The following CADPS2 variants were observed in gnomAD, a reference collection of about 807,000 sequenced individuals.
CADPS2 encodes the protein calcium dependent secretion activator 2.
A neutral mutation model predicts 172.5 loss-of-function variants in CADPS2; 93 were observed. The observed-to-expected ratio is 0.54, with a 90% CI of 0.46 to 0.64. CADPS2 has a LOEUF of 0.64. CADPS2 is among the 30% of genes least tolerant of loss of function. The pLI is 0.00. For synonymous variants in CADPS2, 546 were observed against 555.2 expected (o/e 0.98, Z 0.23); for missense variants, 1,420 against 1,565.9 (o/e 0.91, Z 1.57).
chr7:122,835,332 GA>G (rs1221872508), intron 1 of CADPS2, among the ~76,000 whole-genome samples: 1 of 152,260 alleles, frequency 6.6e-6, no homozygotes, highest in South Asian at 2.1e-4. Context: ...CAAAGATGGG[GA>G]AAAAGCAGAG....
At chr7:122,649,376 G>T (rs1017652099) in intron 3 of CADPS2, among the ~76,000 whole-genome samples, 2 of 152,076 alleles carry the variant, frequency 1.3e-5, no homozygotes, top group African/African-American at 4.8e-5. Flanking sequence ...TCTATTTCCT[G>T]GCACCCAACT....
chr7:122,492,768 T>A (rs1044886362), intron 9 of CADPS2, among the ~76,000 whole-genome samples: 2 of 152,106 alleles, frequency 1.3e-5, no homozygotes, highest in Non-Finnish European at 2.9e-5. Flanking sequence ...GGCACGATTA[T>A]GGCTCATTGC....
At chr7:122,596,401 T>C (rs2071786735) in intron 6 of CADPS2, among the ~76,000 whole-genome samples, 1 of 152,100 alleles carries the variant, frequency 6.6e-6, no homozygotes. Context: ...TTGTCCTCAT[T>C]TGTCCAGAAT....
intron 1 of CADPS2, among the ~76,000 whole-genome samples, chr7:122,739,631 T>C (rs2092367359): frequency 6.6e-6 from 1 of 152,166 alleles, no homozygotes; most frequent in Non-Finnish European, 1.5e-5. Context: ...ATACTGCAGT[T>C]ACATTTAAGA....
At chr7:122,731,181 T>C (rs1004182546) in intron 2 of CADPS2, among the ~76,000 whole-genome samples, 1 of 151,470 alleles carries the variant, frequency 6.6e-6, no homozygotes, top group Non-Finnish European at 1.5e-5. Flanking sequence ...CATAAACAAA[T>C]GAAAACAGTA....
intron 1 of CADPS2, among the ~76,000 whole-genome samples, chr7:122,746,038 T>C (rs887491697): frequency 6.6e-6 from 1 of 152,166 alleles, no homozygotes; most frequent in African/African-American, 2.4e-5. Context: ...TCTTCATCTA[T>C]ATAATAAGGC....
intron 7 of CADPS2, among the ~76,000 whole-genome samples, chr7:122,559,323 T>C (rs2065423705): frequency 6.6e-6 from 1 of 152,158 alleles, no homozygotes; most frequent in South Asian, 2.1e-4. Flanking sequence ...CTCTAGGTTC[T>C]CAAGCTCTTC....
At chr7:122,789,308 C>T (rs780971989) in intron 1 of CADPS2, among the ~76,000 whole-genome samples, 6 of 152,142 alleles carry the variant, frequency 3.9e-5, no homozygotes, top group Non-Finnish European at 7.4e-5. Flanking sequence ...CCTTCCTATC[C>T]TATCTCCCCC....
intron 20 of CADPS2, among the ~76,000 whole-genome samples, chr7:122,402,527 A>G (rs2046084276): frequency 6.6e-6 from 1 of 152,208 alleles, no homozygotes; most frequent in African/African-American, 2.4e-5. Flanking sequence ...AAGCATACAA[A>G]TTTTAATCTA....
intron 27 of CADPS2, among the ~76,000 whole-genome samples, chr7:122,356,448 C>T (rs1022221826): frequency 4.6e-5 from 7 of 152,268 alleles, no homozygotes; most frequent in African/African-American, 1.4e-4. Flanking sequence ...GATCAACTGG[C>T]TGGGGTAATA....
chr7:122,342,138 C>G (rs1359482849), intron 28 of CADPS2, among the ~76,000 whole-genome samples: 1 of 152,010 alleles, frequency 6.6e-6, no homozygotes, highest in East Asian at 1.9e-4. Context: ...TAAGGTAATG[C>G]AGATTTTATT....
At chr7:122,634,972 T>G (rs1349694323) in intron 3 of CADPS2, among the ~76,000 whole-genome samples, 13 of 152,184 alleles carry the variant, frequency 8.5e-5, no homozygotes, top group Non-Finnish European at 7.3e-5. Flanking sequence ...AGAGATCTTC[T>G]TGGTATTGAT....
intron 1 of CADPS2, among the ~76,000 whole-genome samples, chr7:122,749,423 A>G (rs574322290): frequency 6.6e-6 from 1 of 152,292 alleles, no homozygotes; most frequent in South Asian, 2.1e-4. Context: ...CTATCCAGTA[A>G]GGAGACCTGA....
chr7:122,469,823 C>CTG lies in CADPS2; in HGVS notation c.2186+1550_2186+1551dup, dbSNP rs71726905. On this transcript the variant is annotated intron_variant, in intron 14 of 29. Coordinates refer to ENST00000449022, the MANE Select transcript of CADPS2 (RefSeq NM_017954.11). The stretch of plus-strand genomic sequence containing the variant: ...TAGTGGAACAGAAGCAGGTGTGTGT[C>CTG]TGTGTGTGTGTGTGTGTGCACGTAC... Among the ~76,000 whole-genome samples the CTG allele has an allele frequency of 7.1e-4, 105 of 148,626 alleles. 1 individual carries two copies. The highest frequency in any genetic ancestry group is 4.5e-3 in the East Asian group (23 of 5,072).
At chr7:122,690,538 G>A (rs991090646) in intron 2 of CADPS2, among the ~76,000 whole-genome samples, 6 of 152,204 alleles carry the variant, frequency 3.9e-5, no homozygotes, top group African/African-American at 1.2e-4. Context: ...GAGGGTCCAT[G>A]GCTGACACCA....
intron 6 of CADPS2, among the ~76,000 whole-genome samples, chr7:122,592,857 A>G (rs1284255310): frequency 6.6e-6 from 1 of 151,130 alleles, no homozygotes; most frequent in Non-Finnish European, 1.5e-5. Context: ...GGGAGGGGGG[A>G]GGAATAGCAT....
chr7:122,575,903 T>C (rs2067978691), intron 7 of CADPS2, among the ~76,000 whole-genome samples: 1 of 152,180 alleles, frequency 6.6e-6, no homozygotes, highest in Non-Finnish European at 1.5e-5. Flanking sequence ...TTCTGTACAC[T>C]CAGTTTCCCT....
chr7:122,676,691 A>T (rs2135701848), intron 2 of CADPS2: 1 of 1,592,754 alleles, frequency 6.3e-7, no homozygotes, highest in South Asian at 1.1e-5. Context: ...CTGCTCAGCC[A>T]CATCCTGGAG....
At chr7:122,649,716 T>C (rs938395932) in intron 3 of CADPS2, among the ~76,000 whole-genome samples, 1 of 152,078 alleles carries the variant, frequency 6.6e-6, no homozygotes, top group African/African-American at 2.4e-5. Context: ...ACTGATCAAC[T>C]ATACCATTAC....
Sources: gnomAD v4.1 joint callset for allele counts (sites outside exome capture counted in the v4.1 genomes callset) on GRCh38, gnomAD v4.1.1 for gene constraint, MANE v1.5 for transcripts, NCBI Gene and HGNC (gene_info 2026-07-23, HGNC 2026-07-21) for gene names.